The following PLSCR2 variants were observed in gnomAD, a reference collection of about 807,000 sequenced individuals.
PLSCR2 encodes phospholipid scramblase 2.
PLSCR2 carries 18 observed loss-of-function variants against 25.3 expected under a neutral mutation model. The observed-to-expected ratio is 0.71, with a 90% CI of 0.49 to 1.06. The LOEUF is 1.06. Ranked by LOEUF, PLSCR2 falls within the 50% of genes least tolerant of loss-of-function variation. The pLI is 0.00. For missense variants in PLSCR2, 243 were observed against 269.5 expected, an observed-to-expected ratio of 0.90 and a Z score of 0.69; for synonymous variants, 88 against 87.3, an observed-to-expected ratio of 1.01 and a Z score of -0.04.
chr3:146,423,282 T>TCTCTCTCTCTCTCC lies in PLSCR2; in HGVS notation c.101-27362_101-27361insGGAGAGAGAGAGAG, dbSNP rs758576585. Among the ~76,000 whole-genome samples the TCTCTCTCTCTCTCC allele has an allele frequency of 8.0e-3, 807 of 100,980 alleles. 146 individuals are homozygous for TCTCTCTCTCTCTCC. Among genetic ancestry groups the TCTCTCTCTCTCTCC allele is most frequent in the East Asian group, 0.014 (49 of 3,390 alleles). The allele number at this position is 100,980 out of a possible 152,430, so 66.2% of individuals were successfully genotyped here. The stretch of plus-strand genomic sequence containing the variant: ...CTCTCTCTCTCTCTCTCTCTCTCTC[T>TCTCTCTCTCTCTCC]CCCTGGCTAGATTCTCACAAGAAAC... On this transcript the variant is annotated intron_variant and NMD_transcript_variant, in intron 2 of 3. Coordinates refer to the PLSCR2 transcript ENST00000463633.
At chr3:146,481,908 G>C (rs1028631826) in intron 1 of PLSCR2, among the ~76,000 whole-genome samples, 2 of 151,960 alleles carry the variant, frequency 1.3e-5, no homozygotes, top group African/African-American at 2.4e-5. Context: ...CAGAACAGAG[G>C]CTTCAGAAAT....
At position 146,476,081 on chromosome 3, in the gene PLSCR2, G is replaced by A. The variant is rs377135029; in HGVS notation, c.-292-15797C>T. 1.0e-3 allele frequency among the ~76,000 whole-genome samples: 151 copies of A among 151,698 alleles called. 3 individuals are homozygous for A. In the South Asian group the frequency reaches 0.03, roughly 30 times the overall value. On this transcript the variant is annotated intron_variant, in intron 1 of 8. Transcript: ENST00000336685. Reference sequence around the variant, plus strand: ...TTATTTCCCAAAACTGTTATATAGCGGGGGCGCCGGGGGGTGCACTGGGCC... The same window carrying A: ...TTATTTCCCAAAACTGTTATATAGCAGGGGCGCCGGGGGGTGCACTGGGCC...
At chr3:146,461,073 A>G (rs186091563), upstream of PLSCR2, among the ~76,000 whole-genome samples, 13 of 152,362 alleles carry the variant, frequency 8.5e-5, no homozygotes, top group East Asian at 2.5e-3. Flanking sequence ...ATAGAGGAAG[A>G]AATTTAATAA....
chr3:146,427,120 CAACTTTGAG>C (rs1482306928), intron 2 of PLSCR2, among the ~76,000 whole-genome samples: 1 of 152,172 alleles, frequency 6.6e-6, no homozygotes, highest in African/African-American at 2.4e-5. Flanking sequence ...TGGACTTTGA[CAACTTTGAG>C]AACTTTCAAG....
intron 2 of PLSCR2, among the ~76,000 whole-genome samples, chr3:146,414,142 C>G (rs192990861): frequency 1.3e-5 from 2 of 152,192 alleles, no homozygotes; most frequent in Admixed American, 6.5e-5. Context: ...GAATCCACTC[C>G]CACAATAACT....
intron 1 of PLSCR2, among the ~76,000 whole-genome samples, chr3:146,469,861 T>A (rs1277206538): frequency 6.9e-6 from 1 of 145,760 alleles, no homozygotes; most frequent in Non-Finnish European, 1.5e-5. Flanking sequence ...CCTTTTTTGC[T>A]CTTTGGAGAG....
At chr3:146,391,987 A>C (rs1435334302) in intron 3 of PLSCR2, among the ~76,000 whole-genome samples, 3 of 152,148 alleles carry the variant, frequency 2.0e-5, no homozygotes, top group African/African-American at 4.8e-5. Flanking sequence ...TAATATGCTT[A>C]TACCCTGGTT....
At chr3:146,479,566 G>A (rs525876) in intron 1 of PLSCR2, among the ~76,000 whole-genome samples, 48,871 of 151,644 alleles carry the variant, frequency 0.32, 7,852 homozygotes, top group South Asian at 0.41. Flanking sequence ...TATGCACCCA[G>A]TACAGGAGCA....
intron 2 of PLSCR2, among the ~76,000 whole-genome samples, chr3:146,403,000 C>T (rs780060239): frequency 5.3e-5 from 8 of 152,056 alleles, no homozygotes; most frequent in Non-Finnish European, 1.2e-4. Context: ...GTATACATGG[C>T]ACAAATTTTT....
chr3:146,442,320 A>G (rs2040293541), intron 6 of PLSCR2, among the ~76,000 whole-genome samples: 1 of 152,138 alleles, frequency 6.6e-6, no homozygotes, highest in Non-Finnish European at 1.5e-5. Context: ...AAAGGCACAA[A>G]TAAATGGAAA....
upstream of PLSCR2, among the ~76,000 whole-genome samples, chr3:146,461,674 A>G (rs2041581251): frequency 6.6e-6 from 1 of 152,106 alleles, no homozygotes; most frequent in South Asian, 2.1e-4. Flanking sequence ...GCAAATGTAA[A>G]AACGCTGACT....
chr3:146,419,837 C>T (rs4681322), intron 2 of PLSCR2, among the ~76,000 whole-genome samples: 78,079 of 151,716 alleles, frequency 0.51, 20,478 homozygotes, highest in South Asian at 0.7. Flanking sequence ...GCCTCATAGA[C>T]AATACAAGAT....
At chr3:146,429,046 T>C (rs943568948), downstream of PLSCR2, among the ~76,000 whole-genome samples, 1 of 152,162 alleles carries the variant, frequency 6.6e-6, no homozygotes, top group East Asian at 1.9e-4. Context: ...CCTTATGAGG[T>C]AGTGTATTAA....
rs3048143 is a variant in PLSCR2, at chr3:146,424,132, T to TAAA, written c.101-28214_101-28212dup. Among the ~76,000 whole-genome samples the TAAA allele has an allele frequency of 4.9e-3, 721 of 147,000 alleles. 8 individuals carry two copies. The highest frequency in any genetic ancestry group is 0.016 in the African/African-American group (620 of 39,932). On this transcript the variant is annotated intron_variant and NMD_transcript_variant, in intron 2 of 3. Transcript: ENST00000463633. ...CGTGTATCCCAGAATTTAAAGTATT[T>TAAA]AAAAAAAAAAAAAGATCAAGGTATC...
At chr3:146,482,394 C>T (rs773389363) in intron 1 of PLSCR2, among the ~76,000 whole-genome samples, 30 of 152,090 alleles carry the variant, frequency 2.0e-4, no homozygotes, top group Non-Finnish European at 2.9e-4. Context: ...AAACAAACAA[C>T]CCCATCAAAA....
chr3:146,416,134 T>C (rs904806257), intron 2 of PLSCR2, among the ~76,000 whole-genome samples: 1 of 151,908 alleles, frequency 6.6e-6, no homozygotes, highest in Non-Finnish European at 1.5e-5. Flanking sequence ...GTATTTTTAG[T>C]AGAGACGGGG....
At chr3:146,489,734 A>G (rs2043475769) in intron 1 of PLSCR2, among the ~76,000 whole-genome samples, 2 of 152,050 alleles carry the variant, frequency 1.3e-5, no homozygotes, top group South Asian at 4.1e-4. Flanking sequence ...TGACCTTGTG[A>G]TCTCTCATAA....
chr3:146,397,914 G>T (rs1159594070), intron 2 of PLSCR2, among the ~76,000 whole-genome samples: 2 of 151,910 alleles, frequency 1.3e-5, no homozygotes. Context: ...AGTATATGCA[G>T]ATGCCAGTAA....
intron 2 of PLSCR2, among the ~76,000 whole-genome samples, chr3:146,399,228 C>T (rs1440531646): frequency 6.6e-6 from 1 of 151,874 alleles, no homozygotes; most frequent in Non-Finnish European, 1.5e-5. Flanking sequence ...TTTCATAACT[C>T]TTTGCCATGG....
Sources: gnomAD v4.1 joint callset for allele counts (sites outside exome capture counted in the v4.1 genomes callset) on GRCh38, gnomAD v4.1.1 for gene constraint, MANE v1.5 for transcripts, NCBI Gene and HGNC (gene_info 2026-07-23, HGNC 2026-07-21) for gene names.